Variants in PTPRM observed in about 807,000 individuals in gnomAD.
PTPRM encodes the protein protein tyrosine phosphatase receptor type M, also known as receptor-type tyrosine-protein phosphatase mu.
A neutral mutation model predicts 186.7 loss-of-function variants in PTPRM; 47 were observed. The ratio of observed to expected loss-of-function variants is 0.25; its 90% CI spans 0.20 to 0.32. The LOEUF is 0.32. Ranked by LOEUF, PTPRM falls within the 10% of genes least tolerant of loss-of-function variation. The pLI, the probability that PTPRM is intolerant of heterozygous loss-of-function variation, is 1.00. For synonymous variants in PTPRM, 668 were observed against 674.9 expected (o/e 0.99, Z 0.16); for missense variants, 1,494 against 1,865.0 (o/e 0.80, Z 3.66).
At chr18:7,769,770 C>T (rs761402584) in intron 1 of PTPRM, among the ~76,000 whole-genome samples, 8 of 152,212 alleles carry the variant, frequency 5.3e-5, no homozygotes, top group East Asian at 1.9e-4. Context: ...CATCCATTGA[C>T]GCTTCTTTTT....
chr18:7,908,042 T>C (rs1302288862), intron 4 of PTPRM, among the ~76,000 whole-genome samples: 3 of 152,188 alleles, frequency 2.0e-5, no homozygotes, highest in African/African-American at 4.8e-5. Flanking sequence ...GTGAGCATTA[T>C]GGATGTGCCT....
chr18:7,794,632 C>T (rs1171117184), intron 2 of PTPRM, among the ~76,000 whole-genome samples: 7 of 152,280 alleles, frequency 4.6e-5, no homozygotes, highest in South Asian at 4.1e-4. Flanking sequence ...TTCATCATAT[C>T]GCCAAACCTG....
chr18:8,124,081 T>C (rs983818536), intron 13 of PTPRM, among the ~76,000 whole-genome samples: 1 of 152,144 alleles, frequency 6.6e-6, no homozygotes, highest in African/African-American at 2.4e-5. Flanking sequence ...ACAGTGAGTG[T>C]CATTATTTTG....
intron 31 of PTPRM, among the ~76,000 whole-genome samples, chr18:8,392,420 T>G (rs368467982): frequency 1.6e-4 from 25 of 151,566 alleles, no homozygotes; most frequent in Middle Eastern, 6.8e-3. Context: ...GTCAGGAGAT[T>G]GAGACTATCC....
intron 1 of PTPRM, among the ~76,000 whole-genome samples, chr18:7,714,931 G>A (rs1028331470): frequency 5.3e-5 from 8 of 150,780 alleles, no homozygotes; most frequent in African/African-American, 7.3e-5. Flanking sequence ...CGAATTCTAC[G>A]AGAGGTACAA....
chr18:8,180,816 G>C lies in PTPRM; in HGVS notation c.2300+37037G>C, dbSNP rs557767043. ...AGGAAGCTGCTGATCACCAGTTTCA[G>C]GTTTTTTCTGTCTACTGGGAGACTG... On this transcript the variant is annotated intron_variant, in intron 14 of 32. Coordinates refer to ENST00000580170, the MANE Select transcript of PTPRM (RefSeq NM_001105244.2). 2.0e-5 allele frequency among the ~76,000 whole-genome samples: 3 copies of C among 152,302 alleles called. No homozygotes were observed. In the East Asian group the frequency reaches 5.8e-4, roughly 29 times the overall value.
chr18:7,588,897 T>G (rs749781480), intron 1 of PTPRM, among the ~76,000 whole-genome samples: 50 of 152,186 alleles, frequency 3.3e-4, no homozygotes, highest in African/African-American at 1.2e-3. Context: ...TTGCCTAGGC[T>G]GGAGTGCAAT....
At chr18:7,796,690 T>C (rs1484982570) in intron 2 of PTPRM, among the ~76,000 whole-genome samples, 2 of 152,194 alleles carry the variant, frequency 1.3e-5, no homozygotes, top group Non-Finnish European at 2.9e-5. Flanking sequence ...GATGCTGTTG[T>C]CAACCTCCAG....
intron 1 of PTPRM, among the ~76,000 whole-genome samples, chr18:7,614,281 G>GT (rs2037750001): frequency 6.6e-6 from 1 of 152,190 alleles, no homozygotes; most frequent in Admixed American, 6.5e-5. Context: ...ACAGGGCAAC[G>GT]TGCCTGTGAT....
chr18:8,029,174 TACCTGTCCTGCCTGGAGTGCCTCTCCTCC>T (rs1225517487), intron 7 of PTPRM, among the ~76,000 whole-genome samples: 59 of 151,212 alleles, frequency 3.9e-4, no homozygotes, highest in African/African-American at 1.0e-3. Context: ...CCCTCCCTCA[TACCTGTCCTGCCTGGAGTGCCTCTCCTCC>T]ACCTGTCCTG....
intron 11 of PTPRM, among the ~76,000 whole-genome samples, chr18:8,113,224 A>G (rs2091832034): frequency 6.6e-6 from 1 of 152,242 alleles, no homozygotes. Context: ...TCATATTAAA[A>G]ATTTAAAATG....
In PTPRM at chr18:8,406,280, C is replaced by T. The variant is rs1391542673; in HGVS notation, c.*118C>T. On this transcript the variant is annotated 3_prime_UTR_variant, in exon 33 of 33. Transcript: ENST00000580170. ...TGCTTATTTTGCTTTGCATAATTGG[C>T]TCTTTTTAAGAGCCCAAGAAAGTGT... is the stretch of plus-strand genomic sequence containing the variant. The T allele has an allele frequency of 9.9e-7, 1 of 1,008,296 alleles. No homozygotes were observed. Among genetic ancestry groups the T allele is most frequent in the Non-Finnish European group, 1.5e-6 (1 of 676,040 alleles). 62.5% of individuals were successfully genotyped at this position (1,008,296 alleles called of 1,614,324 possible).
At chr18:7,674,927 CG>C (rs1314907698) in intron 1 of PTPRM, among the ~76,000 whole-genome samples, 4 of 152,304 alleles carry the variant, frequency 2.6e-5, no homozygotes, top group African/African-American at 7.2e-5. Context: ...GTGTTTCAAA[CG>C]CATCAGTAGG....
intron 14 of PTPRM, among the ~76,000 whole-genome samples, chr18:8,157,901 T>C (rs2093155967): frequency 6.6e-6 from 1 of 152,218 alleles, no homozygotes; most frequent in Non-Finnish European, 1.5e-5. Context: ...ACAGCATCAC[T>C]GTCTTCGGTG....
rs180967322 is a variant in PTPRM, at chr18:8,306,327, C to T, written c.2843-8454C>T. On this transcript the variant is annotated intron_variant, in intron 20 of 32. Transcript: ENST00000580170. The stretch of plus-strand genomic sequence containing the variant: ...TTGTCACCCCTTTTTACAGATGAAG[C>T]TCAGCAGGACTCCAAATTTGTGCAG... 2.0e-3 allele frequency among the ~76,000 whole-genome samples: 312 copies of T among 152,288 alleles called. 1 individual carries two copies. The highest frequency in any genetic ancestry group is 1.6e-3 in the Non-Finnish European group (110 of 68,026).
chr18:7,768,651 T>A (rs201097948), intron 1 of PTPRM, among the ~76,000 whole-genome samples: 35,090 of 142,680 alleles, frequency 0.25, 4,481 homozygotes, highest in East Asian at 0.41. Context: ...TATATATATT[T>A]TTTTTTTTTT....
rs377182615 is a variant in PTPRM at position 7,842,930 on chromosome 18, G to GTGTATATA, written c.197-45175_197-45174insGTATATAT. On this transcript the variant is annotated intron_variant, in intron 2 of 32. Coordinates refer to ENST00000580170, the MANE Select transcript of PTPRM (RefSeq NM_001105244.2). The stretch of plus-strand genomic sequence containing the variant: ...CTCATATGTGTGTGTGTGTGTGTGT[G>GTGTATATA]TATATATATATATATATAGAGAGAG... Among the ~76,000 whole-genome samples the GTGTATATA allele has an allele frequency of 2.8e-3, 287 of 100,866 alleles. 5 individuals are homozygous for GTGTATATA. The highest frequency in any genetic ancestry group is 3.9e-3 in the Non-Finnish European group (219 of 56,652). 66.2% of individuals were successfully genotyped at this position (100,866 alleles called of 152,430 possible). A position where few individuals can be genotyped will look rare whatever the true frequency, so the allele number is the denominator to read the frequency against.
chr18:8,103,983 G>T (rs887471150), intron 11 of PTPRM, among the ~76,000 whole-genome samples: 4 of 136,512 alleles, frequency 2.9e-5, no homozygotes, highest in Non-Finnish European at 6.6e-5. Context: ...CAGTGCCAGG[G>T]AGAGAGATGG....
intron 3 of PTPRM, among the ~76,000 whole-genome samples, chr18:7,902,005 A>G (rs1022134895): frequency 5.3e-5 from 8 of 152,250 alleles, no homozygotes; most frequent in African/African-American, 1.9e-4. Flanking sequence ...ACACAAATGT[A>G]TGACATAAGA....
Sources: gnomAD v4.1 joint callset for allele counts (sites outside exome capture counted in the v4.1 genomes callset) on GRCh38, gnomAD v4.1.1 for gene constraint, MANE v1.5 for transcripts, NCBI Gene and HGNC (gene_info 2026-07-23, HGNC 2026-07-21) for gene names.